Variants in FAM135B observed in about 807,000 individuals in gnomAD.
The protein encoded by FAM135B is protein FAM135B.
Under a neutral mutation model 127.7 loss-of-function variants are expected in FAM135B, and 43 were observed. The observed-to-expected ratio is 0.34, with a 90% confidence interval of 0.26 to 0.43. The LOEUF is 0.43. FAM135B is among the 20% of genes least tolerant of loss of function. The pLI is 1.00. For missense variants in FAM135B, 1,558 were observed against 1,725.6 expected (o/e 0.90, Z 1.72); for synonymous variants, 670 against 665.1 (o/e 1.01, Z -0.11).
chr8:138,446,788 A>G (rs1444474510), intron 1 of FAM135B, among the ~76,000 whole-genome samples: 2 of 151,882 alleles, frequency 1.3e-5, no homozygotes, highest in African/African-American at 4.8e-5. Context: ...TGGCAACAAA[A>G]GCCAAAATTG....
chr8:138,247,467 C>T (rs1821377119), intron 6 of FAM135B, among the ~76,000 whole-genome samples: 1 of 152,188 alleles, frequency 6.6e-6, no homozygotes, highest in African/African-American at 2.4e-5. Context: ...CAGCACTTCT[C>T]TTTGATGCTG....
intron 9 of FAM135B, among the ~76,000 whole-genome samples, chr8:138,182,320 T>A (rs927021428): frequency 6.6e-6 from 1 of 152,214 alleles, no homozygotes; most frequent in African/African-American, 2.4e-5. Flanking sequence ...GATGGCGAGC[T>A]TGGAAGGGTT....
chr8:138,408,158 C>G (rs947438044), intron 1 of FAM135B, among the ~76,000 whole-genome samples: 7 of 152,222 alleles, frequency 4.6e-5, no homozygotes, highest in Non-Finnish European at 1.0e-4. Flanking sequence ...CAAAAGACGT[C>G]AGCCTTGGAA....
chr8:138,156,592 C>T (rs1186441014), intron 12 of FAM135B, among the ~76,000 whole-genome samples: 4 of 151,910 alleles, frequency 2.6e-5, no homozygotes, highest in Admixed American at 2.0e-4. Flanking sequence ...CAAATAGACA[C>T]AATAAAAAAT....
chr8:138,144,590 T>C (rs1207870795), intron 15 of FAM135B, among the ~76,000 whole-genome samples: 1 of 152,118 alleles, frequency 6.6e-6, no homozygotes, highest in East Asian at 1.9e-4. Context: ...GAAATCACAG[T>C]AGGTTTAAAA....
chr8:138,433,129 A>G (rs559015663), intron 1 of FAM135B, among the ~76,000 whole-genome samples: 1 of 152,314 alleles, frequency 6.6e-6, no homozygotes, highest in Non-Finnish European at 1.5e-5. Flanking sequence ...TTTTCCAGCA[A>G]TGAAGAGTCA....
At position 138,151,185 on chromosome 8, in the gene FAM135B, C is replaced by T. The variant is rs764009035; in HGVS notation, c.3281+9G>A. The stretch of plus-strand genomic sequence containing the variant: ...GTTGTGGGAAAGGTAAGCCCGTCAG[C>T]CAGCTTACCTAAACATCCTCTCACT... On this transcript the variant is annotated intron_variant, in intron 13 of 19. Coordinates refer to ENST00000395297, the MANE Select transcript of FAM135B (RefSeq NM_015912.4). 1 of 1,507,058 alleles carries T rather than the reference C, an allele frequency of 6.6e-7. No homozygotes were observed. The highest frequency in any genetic ancestry group is 1.4e-5 in the South Asian group (1 of 73,740). The allele number at this position is 1,507,058 out of a possible 1,614,324, so 93.4% of individuals were successfully genotyped here.
At chr8:138,442,786 G>T (rs576836592) in intron 1 of FAM135B, among the ~76,000 whole-genome samples, 1 of 152,246 alleles carries the variant, frequency 6.6e-6, no homozygotes, top group Admixed American at 6.5e-5. Flanking sequence ...GTGCTGAGGA[G>T]TTCCCACTCC....
intron 1 of FAM135B, among the ~76,000 whole-genome samples, chr8:138,483,022 C>CCTAAT: frequency 6.6e-6 from 1 of 152,072 alleles, no homozygotes; most frequent in African/African-American, 2.4e-5. Context: ...ACTTAGGTGC[C>CCTAAT]TCAATGAATT....
At chr8:138,237,891 A>G (rs1370517146) in intron 7 of FAM135B, among the ~76,000 whole-genome samples, 3 of 152,156 alleles carry the variant, frequency 2.0e-5, no homozygotes, top group Non-Finnish European at 4.4e-5. Context: ...TCACAAACAC[A>G]CATATACAAC....
intron 3 of FAM135B, among the ~76,000 whole-genome samples, chr8:138,269,531 C>T (rs1327511505): frequency 1.3e-5 from 2 of 152,190 alleles, no homozygotes; most frequent in East Asian, 1.9e-4. Context: ...TTCCTTTAAA[C>T]TCAGGATATA....
intron 2 of FAM135B, among the ~76,000 whole-genome samples, chr8:138,365,869 G>A (rs148083080): frequency 1.6e-4 from 24 of 152,252 alleles, no homozygotes; most frequent in Non-Finnish European, 5.9e-5. Context: ...TGAGACCTAA[G>A]TTACTGAACG....
At chr8:138,338,359 A>G in intron 2 of FAM135B, among the ~76,000 whole-genome samples, 1 of 152,160 alleles carries the variant, frequency 6.6e-6, no homozygotes, top group Admixed American at 6.5e-5. Flanking sequence ...CAATCTACTC[A>G]TCTGACAAAG....
intron 9 of FAM135B, among the ~76,000 whole-genome samples, chr8:138,189,988 C>T (rs571539869): frequency 1.3e-5 from 2 of 152,308 alleles, no homozygotes; most frequent in East Asian, 3.9e-4. Context: ...ACAACCTTAT[C>T]TGCATGGAGC....
chr8:138,268,906 T>C (rs1823156894), intron 3 of FAM135B, among the ~76,000 whole-genome samples: 1 of 152,108 alleles, frequency 6.6e-6, no homozygotes. Flanking sequence ...GTGTCAGCCT[T>C]GGTACCACGC....
intron 12 of FAM135B, among the ~76,000 whole-genome samples, chr8:138,155,365 T>C (rs1171651032): frequency 6.6e-6 from 1 of 152,180 alleles, no homozygotes; most frequent in Non-Finnish European, 1.5e-5. Context: ...AGACCATCGA[T>C]GCTGGGAAGA....
intron 3 of FAM135B, among the ~76,000 whole-genome samples, chr8:138,276,304 T>C (rs917703051): frequency 1.4e-4 from 22 of 152,154 alleles, no homozygotes; most frequent in African/African-American, 4.8e-4. Flanking sequence ...AATCAAATAT[T>C]TGTCAGAGCT....
chr8:138,465,579 G>A (rs963174933), intron 1 of FAM135B, among the ~76,000 whole-genome samples: 2 of 152,058 alleles, frequency 1.3e-5, no homozygotes, highest in African/African-American at 2.4e-5. Flanking sequence ...AAGTGTTTGA[G>A]GCTTGTGCCT....
intron 9 of FAM135B, among the ~76,000 whole-genome samples, chr8:138,191,998 C>T (rs1816174550): frequency 6.6e-6 from 1 of 152,216 alleles, no homozygotes; most frequent in East Asian, 1.9e-4. Flanking sequence ...GACCAGCAGC[C>T]TCACCCTGTT....
Sources: allele counts gnomAD v4.1 joint callset (sites outside exome capture counted in the v4.1 genomes callset), GRCh38; gene constraint gnomAD v4.1.1; transcripts MANE v1.5; gene names NCBI Gene and HGNC (gene_info 2026-07-23, HGNC 2026-07-21).